GRIN2A: variants seen among roughly 807,000 people sequenced by gnomAD.
GRIN2A encodes glutamate ionotropic receptor NMDA type subunit 2A, also known as glutamate receptor ionotropic, NMDA 2A.
Under a neutral mutation model 113.4 loss-of-function variants are expected in GRIN2A, and 22 were observed. The observed-to-expected ratio is 0.19, with a 90% confidence interval of 0.14 to 0.28. The LOEUF (loss-of-function observed/expected upper bound fraction) is 0.28, where lower values mean the gene tolerates loss of function less well. Ranked by LOEUF, GRIN2A falls within the 10% of genes least tolerant of loss-of-function variation. The probability of loss-of-function intolerance (pLI) is 1.00; values close to 1 mark genes in which losing one functional copy is unlikely to be tolerated. For synonymous variants in GRIN2A, 827 were observed against 738.4 expected (o/e 1.12, Z -1.94); for missense variants, 1,502 against 1,887.0 (o/e 0.80, Z 3.78).
chr16:9,976,651 ACT>A (rs1320540051), intron 2 of GRIN2A, among the ~76,000 whole-genome samples: 9 of 152,158 alleles, frequency 5.9e-5, no homozygotes, highest in Non-Finnish European at 1.5e-5. Context: ...TTTTAACACG[ACT>A]AATACCATCA....
rs116806971 is a variant in GRIN2A at position 9,994,556 on chromosome 16, G to C, written c.415-56005C>G. On this transcript the variant is annotated intron_variant, in intron 2 of 12. Transcript: ENST00000330684. ...ATGAAGCAGGGAAACTGGACAGTTG[G>C]TTCACTTTTCTAAATGCAGGAGCAA... Among the ~76,000 whole-genome samples, 544 of 152,246 alleles carry C rather than the reference G, an allele frequency of 3.6e-3. 7 individuals are homozygous for C. The highest frequency in any genetic ancestry group is 0.012 in the African/African-American group (508 of 41,544).
intron 11 of GRIN2A, chr16:9,794,523 G>C (rs2141218699): frequency 6.6e-6 from 1 of 152,290 alleles, no homozygotes; most frequent in South Asian, 2.1e-4. Context: ...TACTCCTAGA[G>C]AGACATTCAG....
intron 4 of GRIN2A, among the ~76,000 whole-genome samples, chr16:9,887,762 C>A (rs1188534176): frequency 2.6e-5 from 4 of 151,842 alleles, no homozygotes; most frequent in South Asian, 2.1e-4. Context: ...ACAAAAAAAA[C>A]ACACACACAG....
At chr16:10,122,619 G>A (rs967509803) in intron 2 of GRIN2A, among the ~76,000 whole-genome samples, 2 of 152,208 alleles carry the variant, frequency 1.3e-5, no homozygotes, top group East Asian at 1.9e-4. Flanking sequence ...AAAAAATGGG[G>A]AGCATTAAAA....
intron 2 of GRIN2A, among the ~76,000 whole-genome samples, chr16:10,032,150 T>C (rs958824663): frequency 2.0e-5 from 3 of 152,238 alleles, no homozygotes; most frequent in African/African-American, 7.2e-5. Context: ...TTGGACCCCA[T>C]TTTATGCTGA....
intron 10 of GRIN2A, 110 bp from the exon 11 acceptor site, chr16:9,798,574 A>G: frequency 1.3e-6 from 1 of 743,466 alleles, no homozygotes; most frequent in South Asian, 1.6e-5. Context: ...CATGCTGGTG[A>G]TGATGACTCA....
At chr16:9,943,922 C>T (rs2044953584) in intron 2 of GRIN2A, among the ~76,000 whole-genome samples, 1 of 152,208 alleles carries the variant, frequency 6.6e-6, no homozygotes, top group Non-Finnish European at 1.5e-5. Context: ...CTCTTCTCAA[C>T]AGCAGTATGG....
chr16:9,844,000 C>G (rs1484849260), intron 5 of GRIN2A, among the ~76,000 whole-genome samples: 1 of 152,156 alleles, frequency 6.6e-6, no homozygotes, highest in African/African-American at 2.4e-5. Context: ...CTTTTTCTTT[C>G]TGGTCGCTGT....
chr16:10,170,969 TG>T (rs1179058658), intron 2 of GRIN2A, among the ~76,000 whole-genome samples: 9 of 152,172 alleles, frequency 5.9e-5, no homozygotes, highest in East Asian at 1.9e-4. Flanking sequence ...GAGTGCGGTA[TG>T]GGGGGAACCT....
intron 2 of GRIN2A, among the ~76,000 whole-genome samples, chr16:9,944,611 G>A (rs2044972349): frequency 6.6e-6 from 1 of 152,160 alleles, no homozygotes; most frequent in Admixed American, 6.6e-5. Flanking sequence ...TGGATCGTAT[G>A]TGGTTGCCTA....
intron 2 of GRIN2A, among the ~76,000 whole-genome samples, chr16:9,944,562 G>C (rs1442546821): frequency 6.6e-6 from 1 of 152,090 alleles, no homozygotes; most frequent in Non-Finnish European, 1.5e-5. Flanking sequence ...GCATACAGTG[G>C]GATGTCTTAT....
intron 11 of GRIN2A, among the ~76,000 whole-genome samples, chr16:9,774,672 C>T (rs1240568932): frequency 6.6e-6 from 1 of 152,212 alleles, no homozygotes. Context: ...AAGGAGTTTG[C>T]TTAATCACTC....
chr16:9,840,484 A>C (rs1261962557), intron 7 of GRIN2A, among the ~76,000 whole-genome samples, 163 bp downstream of exon 7: 1 of 152,096 alleles, frequency 6.6e-6, no homozygotes, highest in Non-Finnish European at 1.5e-5. Flanking sequence ...GGGGACCCAA[A>C]GCCTAACCCT....
At chr16:10,126,386 C>A (rs1380016768) in intron 2 of GRIN2A, among the ~76,000 whole-genome samples, 1 of 152,092 alleles carries the variant, frequency 6.6e-6, no homozygotes, top group Non-Finnish European at 1.5e-5. Context: ...AGACTGGTCT[C>A]AAACTCCTGG....
At chr16:10,119,933 G>A (rs985709957) in intron 2 of GRIN2A, among the ~76,000 whole-genome samples, 7 of 152,138 alleles carry the variant, frequency 4.6e-5, no homozygotes, top group African/African-American at 1.7e-4. Context: ...TTATGGCTAT[G>A]TAGTACTCCA....
At chr16:9,930,280 G>A (rs1424871489) in intron 3 of GRIN2A, among the ~76,000 whole-genome samples, 1 of 152,114 alleles carries the variant, frequency 6.6e-6, no homozygotes, top group African/African-American at 2.4e-5. Context: ...GCATTTAAGT[G>A]GTATCATCCT....
intron 10 of GRIN2A, among the ~76,000 whole-genome samples, chr16:9,800,087 G>A (rs1275563293): frequency 9.2e-5 from 14 of 151,942 alleles, no homozygotes; most frequent in Admixed American, 9.2e-4. Context: ...TGATTCTTGT[G>A]CCTCAGCCTC....
In GRIN2A at chr16:10,138,619, G is replaced by T. The variant is rs149767653; in HGVS notation, c.414+41379C>A. On this transcript the variant is annotated intron_variant, in intron 2 of 12. Coordinates refer to ENST00000330684, the MANE Select transcript of GRIN2A (RefSeq NM_001134407.3). ...GATTACAATTTGAGATGAGATTTGG[G>T]TGGGGACGCAGAGCCAAACCATATC... Among the ~76,000 whole-genome samples, 483 of 152,204 alleles carry T rather than the reference G, an allele frequency of 3.2e-3. 1 individual carries two copies. Among genetic ancestry groups the T allele is most frequent in the Middle Eastern group, 0.02 (6 of 294 alleles).
intron 2 of GRIN2A, among the ~76,000 whole-genome samples, chr16:10,146,448 G>T (rs552474655): frequency 3.9e-4 from 60 of 152,190 alleles, no homozygotes; most frequent in African/African-American, 1.3e-3. Context: ...TGGAGGTCAT[G>T]TTTGCATCAG....
Sources: allele counts gnomAD v4.1 joint callset (sites outside exome capture counted in the v4.1 genomes callset), GRCh38; gene constraint gnomAD v4.1.1; transcripts MANE v1.5; gene names NCBI Gene and HGNC (gene_info 2026-07-23, HGNC 2026-07-21).